NCEH1: variants seen among roughly 807,000 people sequenced by gnomAD.
NCEH1 encodes 2-acetyl MAGE hydrolase.
NCEH1 carries 9 observed loss-of-function variants against 25.4 expected under a neutral mutation model. That is an observed-to-expected ratio of 0.35 (90% CI 0.21 to 0.62). The LOEUF (loss-of-function observed/expected upper bound fraction) is 0.62. NCEH1 is among the 20% of genes least tolerant of loss of function. The probability of loss-of-function intolerance (pLI) is 0.72; values close to 1 mark genes in which losing one functional copy is unlikely to be tolerated. For synonymous variants in NCEH1, 200 were observed against 199.8 expected, an observed-to-expected ratio of 1.00 and a Z score of -0.01; for missense variants, 412 against 501.1, an observed-to-expected ratio of 0.82 and a Z score of 1.70.
At chr3:172,653,071 G>A (rs1294057932) in intron 1 of NCEH1, among the ~76,000 whole-genome samples, 1 of 151,982 alleles carries the variant, frequency 6.6e-6, no homozygotes, top group Non-Finnish European at 1.5e-5. Flanking sequence ...AAATTTTAAG[G>A]GCCTAATGGG....
intron 1 of NCEH1, among the ~76,000 whole-genome samples, chr3:172,681,865 C>G (rs1712398214): frequency 6.6e-6 from 1 of 151,174 alleles, no homozygotes; most frequent in Non-Finnish European, 1.5e-5. Context: ...GAGGTGAGAT[C>G]ACACCACTGC....
chr3:172,676,680 G>A (rs1054976162), intron 1 of NCEH1, among the ~76,000 whole-genome samples: 2 of 151,798 alleles, frequency 1.3e-5, no homozygotes, highest in African/African-American at 2.4e-5. Context: ...TAAACTCTCC[G>A]CTCCTTAAAA....
chr3:172,635,839 T>C, intron 4 of NCEH1, 77 bp downstream of exon 4: 1 of 1,387,084 alleles, frequency 7.2e-7, no homozygotes. Context: ...TTGCCACACA[T>C]AATGGAGGGT....
At chr3:172,635,877 A>G (rs781600010) in intron 4 of NCEH1, 39 bp downstream of exon 4, 59 of 1,595,384 alleles carry the variant, frequency 3.7e-5, no homozygotes, top group Non-Finnish European at 4.9e-5. Context: ...CTTGTCATGC[A>G]CCGCTTAACC....
intron 1 of NCEH1, among the ~76,000 whole-genome samples, chr3:172,664,220 G>A (rs939535603): frequency 6.6e-6 from 1 of 152,088 alleles, no homozygotes; most frequent in African/African-American, 2.4e-5. Context: ...CACTTATGAA[G>A]CTTAGTTTGG....
chr3:172,707,470 C>T (rs999115814), intron 1 of NCEH1, among the ~76,000 whole-genome samples: 2 of 152,192 alleles, frequency 1.3e-5, no homozygotes, highest in African/African-American at 4.8e-5. Flanking sequence ...CAATATAACA[C>T]GCAGTTTAAG....
chr3:172,666,224 C>A (rs1365590314), intron 1 of NCEH1, among the ~76,000 whole-genome samples: 1 of 152,200 alleles, frequency 6.6e-6, no homozygotes, highest in Non-Finnish European at 1.5e-5. Context: ...CTCCTGCCTT[C>A]TTCTTCCTGT....
Position 172,706,797 on chromosome 3 carries a change from G to A in NCEH1, c.138+4050C>T, listed in dbSNP as rs901463140. On this transcript the variant is annotated intron_variant, in intron 1 of 4. Transcript: ENST00000475381. ...ATTACAGGCATGAGCCACCACACCCGACCTTCATTCGTTTAAATGGTGCTG... is the reference window on the plus strand; with the variant it reads ...ATTACAGGCATGAGCCACCACACCCAACCTTCATTCGTTTAAATGGTGCTG... 4.6e-5 allele frequency among the ~76,000 whole-genome samples: 7 copies of A among 151,770 alleles called. No homozygotes were observed. In the South Asian group the frequency reaches 6.2e-4, roughly 14 times the overall value.
intron 1 of NCEH1, among the ~76,000 whole-genome samples, chr3:172,700,891 A>G (rs2108536706): frequency 6.6e-6 from 1 of 152,320 alleles, no homozygotes; most frequent in South Asian, 2.1e-4. Context: ...ATGAGGTGAT[A>G]TTAGTAAAAA....
intron 1 of NCEH1, among the ~76,000 whole-genome samples, chr3:172,667,750 G>A (rs1226726914): frequency 1.3e-5 from 2 of 152,176 alleles, no homozygotes; most frequent in Non-Finnish European, 2.9e-5. Flanking sequence ...CCTCTGGAGT[G>A]CACTCTACAG....
chr3:172,701,595 G>T, intron 1 of NCEH1, among the ~76,000 whole-genome samples: 1 of 148,880 alleles, frequency 6.7e-6, no homozygotes. Context: ...GACTACAGAC[G>T]CGTGCCACCA....
At chr3:172,653,008 T>C (rs952043253) in intron 1 of NCEH1, among the ~76,000 whole-genome samples, 5 of 152,114 alleles carry the variant, frequency 3.3e-5, no homozygotes, top group African/African-American at 1.2e-4. Context: ...CCCAGCCTCC[T>C]GAAACCTCTT....
intron 1 of NCEH1, among the ~76,000 whole-genome samples, chr3:172,668,458 G>A (rs912678718): frequency 5.6e-5 from 8 of 143,628 alleles, no homozygotes; most frequent in African/African-American, 1.8e-4. Context: ...AGGTTCAAGC[G>A]ATTCTCCTGC....
At chr3:172,645,019 G>A (rs543512376) in intron 3 of NCEH1, among the ~76,000 whole-genome samples, 7 of 152,220 alleles carry the variant, frequency 4.6e-5, no homozygotes, top group East Asian at 1.9e-4. Flanking sequence ...AAAAGCATTC[G>A]CACAATGCCT....
intron 1 of NCEH1, among the ~76,000 whole-genome samples, chr3:172,681,908 CAA>C (rs10711610): frequency 1.0e-4 from 15 of 143,760 alleles, no homozygotes; most frequent in South Asian, 2.2e-4. Context: ...GAGACTGTCT[CAA>C]AAAAAAAAAA....
At chr3:172,684,732 G>GCTTTGGGATTA (rs1419876280) in intron 1 of NCEH1, among the ~76,000 whole-genome samples, 1 of 152,212 alleles carries the variant, frequency 6.6e-6, no homozygotes, top group Non-Finnish European at 1.5e-5. Context: ...TGTAATCCCA[G>GCTTTGGGATTA]CACTTTGGGA....
chr3:172,657,065 A>C (rs183638310), intron 1 of NCEH1, among the ~76,000 whole-genome samples: 1 of 151,398 alleles, frequency 6.6e-6, no homozygotes, highest in Non-Finnish European at 1.5e-5. Context: ...TGGTTCTTAC[A>C]CTCCTGACCA....
intron 1 of NCEH1, among the ~76,000 whole-genome samples, chr3:172,679,949 G>A (rs527639474): frequency 2.6e-4 from 39 of 152,184 alleles, no homozygotes; most frequent in Non-Finnish European, 4.7e-4. Context: ...AATCTCCTGG[G>A]TTTTAAGAAC....
At chr3:172,691,229 T>A (rs188100347) in intron 1 of NCEH1, among the ~76,000 whole-genome samples, 288 of 152,286 alleles carry the variant, frequency 1.9e-3, no homozygotes, top group Non-Finnish European at 3.1e-3. Flanking sequence ...TCCTTCAGTA[T>A]CCATGTCAGA....
Sources: gnomAD v4.1 joint callset for allele counts (sites outside exome capture counted in the v4.1 genomes callset) on GRCh38, gnomAD v4.1.1 for gene constraint, MANE v1.5 for transcripts, NCBI Gene and HGNC (gene_info 2026-07-23, HGNC 2026-07-21) for gene names.